The following PPP2R2B variants were observed in gnomAD, a reference collection of about 807,000 sequenced individuals.
The protein encoded by PPP2R2B is serine/threonine-protein phosphatase 2A 55 kDa regulatory subunit B beta isoform.
In PPP2R2B, 5 loss-of-function variants were observed where a neutral mutation model predicts 46.0. That is an observed-to-expected ratio of 0.11 (90% CI 0.06 to 0.23). PPP2R2B has a LOEUF of 0.23. Among genes scored for constraint, PPP2R2B ranks in the 10% least tolerant of loss-of-function variants. The probability of loss-of-function intolerance (pLI) is 1.00; values close to 1 mark genes in which losing one functional copy is unlikely to be tolerated. For synonymous variants in PPP2R2B, 215 were observed against 206.7 expected (o/e 1.04, Z -0.34); for missense variants, 367 against 575.0 (o/e 0.64, Z 3.70).
chr5:146,795,176 C>T (rs561124549), intron 2 of PPP2R2B, among the ~76,000 whole-genome samples: 34 of 152,130 alleles, frequency 2.2e-4, no homozygotes, highest in African/African-American at 7.2e-4. Flanking sequence ...ATTAGATAGG[C>T]TCCCACTTCT....
chr5:146,842,883 T>A (rs1438563018), intron 2 of PPP2R2B, among the ~76,000 whole-genome samples: 1 of 152,242 alleles, frequency 6.6e-6, no homozygotes, highest in Non-Finnish European at 1.5e-5. Context: ...TGCAGTTTTT[T>A]TTCTGTTCTA....
chr5:146,748,778 C>T (rs1447470120), intron 2 of PPP2R2B, among the ~76,000 whole-genome samples: 1 of 152,136 alleles, frequency 6.6e-6, no homozygotes, highest in Non-Finnish European at 1.5e-5. Context: ...GCTGTTCACA[C>T]ATCTAAGAAC....
intron 1 of PPP2R2B, among the ~76,000 whole-genome samples, chr5:147,034,846 T>C (rs545925845): frequency 6.6e-6 from 1 of 152,334 alleles, no homozygotes; most frequent in South Asian, 2.1e-4. Context: ...TATTTCATTT[T>C]ACTTTCTCAA....
intron 6 of PPP2R2B, among the ~76,000 whole-genome samples, chr5:146,639,033 C>T (rs180821816): frequency 1.3e-5 from 2 of 152,278 alleles, no homozygotes; most frequent in Admixed American, 6.5e-5. Flanking sequence ...ATATAATTAG[C>T]GTTTTCCTTA....
intron 2 of PPP2R2B, among the ~76,000 whole-genome samples, chr5:146,793,265 T>A (rs1756324817): frequency 6.6e-6 from 1 of 152,140 alleles, no homozygotes; most frequent in East Asian, 1.9e-4. Context: ...CAGGAGATGA[T>A]CAGAAGTTCA....
chr5:146,861,824 G>T (rs112961103), intron 2 of PPP2R2B, among the ~76,000 whole-genome samples: 1 of 148,554 alleles, frequency 6.7e-6, no homozygotes, highest in Admixed American at 6.7e-5. Context: ...CATGGATGAA[G>T]CTACCTTTGA....
intron 2 of PPP2R2B, among the ~76,000 whole-genome samples, chr5:146,763,775 T>A (rs1054933399): frequency 1.3e-5 from 2 of 152,214 alleles, no homozygotes; most frequent in Non-Finnish European, 2.9e-5. Flanking sequence ...CAGGCTGGAA[T>A]GCACTGGTGC....
At position 146,922,076 on chromosome 5, in the gene PPP2R2B, C is replaced by T. The variant is rs529019922; in HGVS notation, c.79+133589G>A. ...GAAAGATTCTAAAGCCTTTGCTAAA[C>T]TGTATGCTAAACTGTACCTATGCTA... On this transcript the variant is annotated intron_variant, in intron 1 of 8. Transcript: ENST00000336640. 1.4e-4 allele frequency among the ~76,000 whole-genome samples: 21 copies of T among 152,302 alleles called. 1 individual carries two copies. The South Asian group carries it at 4.3e-3, about 32-fold the overall frequency.
chr5:146,734,424 CCTAT>C (rs1242115002), intron 2 of PPP2R2B, among the ~76,000 whole-genome samples: 1 of 152,136 alleles, frequency 6.6e-6, no homozygotes, highest in East Asian at 1.9e-4. Flanking sequence ...CTCATAACTA[CCTAT>C]CTACTTTATT....
intron 2 of PPP2R2B, among the ~76,000 whole-genome samples, chr5:146,742,218 G>T (rs116720678): frequency 0.01 from 1,559 of 152,314 alleles, 14 homozygotes; most frequent in Non-Finnish European, 0.016. Flanking sequence ...GCTCCAAAGG[G>T]TATTTCTTTT....
intron 2 of PPP2R2B, among the ~76,000 whole-genome samples, chr5:146,800,880 A>G (rs189024558): frequency 6.6e-6 from 1 of 152,230 alleles, no homozygotes; most frequent in Admixed American, 6.5e-5. Context: ...GTCTGTCAAC[A>G]GATGAATGGA....
chr5:146,917,781 C>T (rs915769024), intron 1 of PPP2R2B: 3 of 152,178 alleles, frequency 2.0e-5, no homozygotes, highest in Non-Finnish European at 4.4e-5. Context: ...GCAATGTGAG[C>T]AGTCTAATGA....
intron 2 of PPP2R2B, among the ~76,000 whole-genome samples, chr5:146,738,518 G>C (rs1387632289): frequency 6.6e-6 from 1 of 152,028 alleles, no homozygotes; most frequent in Non-Finnish European, 1.5e-5. Context: ...TTTCACCTGG[G>C]GAACTCTTGT....
chr5:146,902,187 C>T (rs1008097496), intron 1 of PPP2R2B, among the ~76,000 whole-genome samples: 1 of 152,032 alleles, frequency 6.6e-6, no homozygotes, highest in African/African-American at 2.4e-5. Flanking sequence ...CTTTCTATTC[C>T]TCTCCTCTCC....
intron 4 of PPP2R2B, among the ~76,000 whole-genome samples, chr5:146,692,427 C>G (rs1000015416): frequency 6.6e-6 from 1 of 152,114 alleles, no homozygotes; most frequent in Non-Finnish European, 1.5e-5. Flanking sequence ...ATGAGAACTC[C>G]CATCCCTACA....
chr5:146,896,297 A>T (rs1349015440), intron 1 of PPP2R2B, among the ~76,000 whole-genome samples: 1 of 152,160 alleles, frequency 6.6e-6, no homozygotes, highest in East Asian at 1.9e-4. Context: ...ATCTCTCACC[A>T]TCACCCTGAA....
intron 1 of PPP2R2B, among the ~76,000 whole-genome samples, chr5:146,971,961 C>T (rs780271144): frequency 3.3e-5 from 5 of 152,148 alleles, no homozygotes; most frequent in Non-Finnish European, 7.3e-5. Context: ...TAATATATTA[C>T]TATTACCTAA....
intron 1 of PPP2R2B, among the ~76,000 whole-genome samples, chr5:147,009,852 TAC>T (rs1179700390): frequency 1.4e-5 from 2 of 142,796 alleles, no homozygotes; most frequent in Admixed American, 1.4e-4. Flanking sequence ...TTTATATATA[TAC>T]ACACACACAT....
intron 1 of PPP2R2B, among the ~76,000 whole-genome samples, chr5:147,052,848 C>A (rs1050711119): frequency 6.6e-6 from 1 of 151,884 alleles, no homozygotes; most frequent in Non-Finnish European, 1.5e-5. Context: ...ACATGGAGAA[C>A]CAAATCTCCT....
Sources: gnomAD v4.1 joint callset for allele counts (sites outside exome capture counted in the v4.1 genomes callset) on GRCh38, gnomAD v4.1.1 for gene constraint, MANE v1.5 for transcripts, NCBI Gene and HGNC (gene_info 2026-07-23, HGNC 2026-07-21) for gene names.